Variants in BCR observed in about 807,000 individuals in gnomAD.
BCR encodes BCR activator of RhoGEF and GTPase, also known as breakpoint cluster region protein.
In BCR, 58 loss-of-function variants were observed where a neutral mutation model predicts 138.6. That is an observed-to-expected ratio of 0.42 (90% confidence interval 0.34 to 0.52). BCR has a LOEUF of 0.52. Ranked by LOEUF, BCR falls within the 20% of genes least tolerant of loss-of-function variation. BCR has a pLI of 0.06. For synonymous variants in BCR, 786 were observed against 730.1 expected, an observed-to-expected ratio of 1.08 and a Z score of -1.23; for missense variants, 1,599 against 1,727.2, an observed-to-expected ratio of 0.93 and a Z score of 1.32.
intron 4 of BCR, chr22:23,265,072 A>C (rs965204521): frequency 6.6e-6 from 1 of 152,184 alleles, no homozygotes; most frequent in African/African-American, 2.4e-5. Flanking sequence ...GGGGGGAAAA[A>C]AACACACATC....
intron 9 of BCR, 106 bp downstream of exon 9, chr22:23,284,204 T>C: frequency 6.8e-7 from 1 of 1,472,872 alleles, no homozygotes; most frequent in Non-Finnish European, 9.1e-7. Flanking sequence ...GCTCGTTACA[T>C]TCCGTTTCTA....
At position 23,180,623 on chromosome 22, in the gene BCR, A is replaced by C. The variant is rs75147926; in HGVS notation, c.-338A>C. 2.8e-3 allele frequency: 481 copies of C among 174,514 alleles called. 3 individuals carry two copies. The highest frequency in any genetic ancestry group is 9.8e-3 in the African/African-American group (407 of 41,424). The allele number at this position is 174,514 out of a possible 1,614,324, so 10.8% of individuals were successfully genotyped here. A position where few individuals can be genotyped will look rare whatever the true frequency, so the allele number is the denominator to read the frequency against. On this transcript the variant is annotated 5_prime_UTR_variant, in exon 1 of 23. Transcript: ENST00000305877. ...GCGGCGGGGCTGTGGGGCGGTGCGG[A>C]AGCGAGAGGCGAGGAGCGCGCGGGC...
chr22:23,285,162 C>G lies in BCR; in HGVS notation c.2367C>G (p.Ile789Met), dbSNP rs1187120465. Residue 789 changes from isoleucine to methionine, a missense_variant, in exon 10 of 23, where the codon ATC becomes ATG. Physicochemically the swap from Ile to Met is conservative, Grantham distance 10. This residue lies in a region of BCR where 590 missense variants were observed against 762.4 expected (regional missense o/e 0.77). Transcript: ENST00000305877. Reference protein sequence around the residue: ...VPDEELDALKIKISQIKNDIQ... With the variant: ...VPDEELDALKMKISQIKNDIQ... ...ATGAGGAGCTGGACGCTTTGAAGAT[C>G]AAGATCTCCCAGATCAAGAATGACA... 5 of 1,613,696 alleles carry G rather than the reference C, an allele frequency of 3.1e-6. No homozygotes were observed. Among genetic ancestry groups the G allele is most frequent in the East Asian group, 2.2e-5 (1 of 44,890 alleles).
chr22:23,290,101 C>T, intron 13 of BCR: 1 of 588,830 alleles, frequency 1.7e-6, no homozygotes. Context: ...GTCCTTGGAA[C>T]CTTATTACAC....
chr22:23,266,262 T>G (rs190890411), intron 4 of BCR, among the ~76,000 whole-genome samples: 1 of 152,198 alleles, frequency 6.6e-6, no homozygotes, highest in African/African-American at 2.4e-5. Context: ...AATTTTTTTG[T>G]GTTTTTAGTA....
rs758602402 is a variant in BCR at position 23,274,907 on chromosome 22, CAAAAAAAAAAA to C, written c.2115+1147_2115+1157del. 1.1e-3 allele frequency among the ~76,000 whole-genome samples: 90 copies of C among 84,008 alleles called. 2 individuals carry two copies. The South Asian group carries it at 0.029, about 27-fold the overall frequency. 55.1% of individuals were successfully genotyped at this position (84,008 alleles called of 152,430 possible). ...TGGGTGACAGAGTGAAACTCCATCT[CAAAAAAAAAAA>C]AAAAAAAAAAAAAGAGAACCACCTC... On this transcript the variant is annotated intron_variant, in intron 8 of 22. Coordinates refer to ENST00000305877, the MANE Select transcript of BCR (RefSeq NM_004327.4).
chr22:23,262,883 G>A, intron 4 of BCR: 5 of 1,066,230 alleles, frequency 4.7e-6, no homozygotes, highest in Non-Finnish European at 5.7e-6. Context: ...GAGGCAGCGG[G>A]CCGGGGGCTG....
chr22:23,204,768 G>C (rs572175976), intron 1 of BCR, among the ~76,000 whole-genome samples: 2 of 152,368 alleles, frequency 1.3e-5, no homozygotes, highest in African/African-American at 4.8e-5. Flanking sequence ...CCAAAGTGCA[G>C]AGCGTGGGCA....
chr22:23,264,310 A>G (rs548151482), intron 4 of BCR: 10 of 976,416 alleles, frequency 1.0e-5, no homozygotes, highest in South Asian at 2.6e-5. Flanking sequence ...AAGCATCTCT[A>G]TGCTGCGCTG....
intron 1 of BCR, among the ~76,000 whole-genome samples, chr22:23,247,343 T>G (rs1016409957): frequency 2.6e-5 from 4 of 152,216 alleles, no homozygotes; most frequent in African/African-American, 9.6e-5. Context: ...GCTGCCAGTG[T>G]AAACAAGGAT....
chr22:23,262,957 C>T (rs373007954), intron 4 of BCR: 5 of 1,020,540 alleles, frequency 4.9e-6, no homozygotes, highest in Non-Finnish European at 6.3e-6. Context: ...GAGGAAGGGG[C>T]GAGAGGCATC....
At chr22:23,226,135 G>T (rs1437198820) in intron 1 of BCR, among the ~76,000 whole-genome samples, 1 of 152,170 alleles carries the variant, frequency 6.6e-6, no homozygotes, top group Non-Finnish European at 1.5e-5. Context: ...CTCCGTAAAT[G>T]ATTCATTTCC....
At chr22:23,300,578 G>A (rs570655535) in intron 16 of BCR, among the ~76,000 whole-genome samples, 22 of 152,284 alleles carry the variant, frequency 1.4e-4, no homozygotes, top group Non-Finnish European at 2.6e-4. Flanking sequence ...ATGGGCTCTC[G>A]GGGGGAACAG....
At chr22:23,226,912 G>A (rs1446709110) in intron 1 of BCR, among the ~76,000 whole-genome samples, 1 of 152,180 alleles carries the variant, frequency 6.6e-6, no homozygotes, top group Non-Finnish European at 1.5e-5. Flanking sequence ...CTATAGGTTT[G>A]GGTTTGGGGG....
At chr22:23,274,524 G>A (rs559013198) in intron 8 of BCR, among the ~76,000 whole-genome samples, 1 of 152,310 alleles carries the variant, frequency 6.6e-6, no homozygotes, top group African/African-American at 2.4e-5. Flanking sequence ...GAGGGGAGCT[G>A]ACCCCCGGCC....
intron 4 of BCR, among the ~76,000 whole-genome samples, chr22:23,267,154 G>A (rs1382541433): frequency 6.6e-6 from 1 of 152,186 alleles, no homozygotes; most frequent in Non-Finnish European, 1.5e-5. Context: ...TACCACTGCG[G>A]TGACAAGGCC....
intron 16 of BCR, among the ~76,000 whole-genome samples, chr22:23,301,626 G>T (rs966741188): frequency 9.2e-5 from 14 of 152,212 alleles, no homozygotes; most frequent in African/African-American, 3.4e-4. Flanking sequence ...CCAAGTAACC[G>T]TGCCATCTGA....
At position 23,182,162 on chromosome 22, in the gene BCR, A is replaced by C. The variant is rs769276337; in HGVS notation, c.1202A>C (p.Glu401Ala). 1 of 1,607,482 alleles carries C rather than the reference A, an allele frequency of 6.2e-7. No individual in the cohort carries two copies. The highest frequency in any genetic ancestry group is 8.5e-7 in the Non-Finnish European group (1 of 1,179,492). ...CGGCACTGCCCGGTTGTCGTGTCCG[A>C]GGCCACCATCGTGGGCGTCCGCAAG... ...RHRHCPVVVS[E>A]ATIVGVRKTG... is the part of the protein sequence containing the mutation. Residue 401 changes from glutamate (E) to alanine (A), a missense_variant, in exon 1 of 23, where the codon GAG becomes GCG. Glu to Ala is a moderately radical substitution (Grantham distance 107). Coordinates refer to ENST00000305877, the MANE Select transcript of BCR (RefSeq NM_004327.4).
Position 23,273,148 on chromosome 22 carries a change from C to A in BCR, c.1974+15C>A, listed in dbSNP as rs565111265. 5 of 1,612,090 alleles carry A rather than the reference C, an allele frequency of 3.1e-6. No individual in the cohort carries two copies. The South Asian group carries it at 5.5e-5, about 18-fold the overall frequency. On this transcript the variant is annotated intron_variant, in intron 7 of 22. Transcript: ENST00000305877. ...TGGTCCTCCATGTAAGTCACAGCGC[C>A]CCTCTGGACCGGGACCAAAACTGCC...
Sources: gnomAD v4.1 joint callset for allele counts (sites outside exome capture counted in the v4.1 genomes callset) on GRCh38, gnomAD v4.1.1 for gene constraint, gnomAD v4.1.1 regional missense constraint, MANE v1.5 for transcripts, NCBI Gene and HGNC (gene_info 2026-07-23, HGNC 2026-07-21) for gene names.